UBN1: variants seen among roughly 807,000 people sequenced by gnomAD.
The protein encoded by UBN1 is ubinuclein 1, also known as ubinuclein-1.
UBN1 carries 17 observed loss-of-function variants against 108.5 expected under a neutral mutation model. That is an observed-to-expected ratio of 0.16 (90% CI 0.11 to 0.24). The LOEUF is 0.24. UBN1 is among the 10% of genes least tolerant of loss of function. The probability of loss-of-function intolerance (pLI) is 1.00; values close to 1 mark genes in which losing one functional copy is unlikely to be tolerated. For missense variants in UBN1, 1,595 were observed against 1,394.4 expected (o/e 1.14, Z -2.29); for synonymous variants, 726 against 564.2 (o/e 1.29, Z -4.07).
intron 12 of UBN1, 120 bp downstream of exon 12, chr16:4,871,421 G>T: frequency 7.1e-7 from 1 of 1,398,870 alleles, no homozygotes. Context: ...CCTCAACTCT[G>T]ATCTCACCTG....
At chr16:4,875,901 C>T (rs895391304) in intron 15 of UBN1, among the ~76,000 whole-genome samples, 8 of 151,932 alleles carry the variant, frequency 5.3e-5, no homozygotes, top group Non-Finnish European at 8.8e-5. Flanking sequence ...TAATGCATCT[C>T]GCTTGTGTGT....
intron 7 of UBN1, among the ~76,000 whole-genome samples, chr16:4,862,664 G>A (rs2087122055): frequency 6.6e-6 from 1 of 152,254 alleles, no homozygotes; most frequent in Non-Finnish European, 1.5e-5. Context: ...GTCAAAACCA[G>A]ATTCTTGGCT....
intron 9 of UBN1, 63 bp downstream of exon 9, chr16:4,870,404 T>A: frequency 1.2e-6 from 2 of 1,610,522 alleles, no homozygotes; most frequent in Non-Finnish European, 1.7e-6. Context: ...GACTGAGTCT[T>A]AAGCAATGAT....
intron 14 of UBN1, 74 bp downstream of exon 14, chr16:4,873,147 G>T: frequency 7.5e-6 from 12 of 1,592,116 alleles, no homozygotes; most frequent in Non-Finnish European, 1.0e-5. Flanking sequence ...ACAGTCAAGT[G>T]ACTGTGGAAG....
chr16:4,852,854 T>A, intron 1 of UBN1, 25 bp from the exon 2 acceptor site: 1 of 1,539,774 alleles, frequency 6.5e-7, no homozygotes, highest in Non-Finnish European at 8.8e-7. Context: ...TCGTTTGACC[T>A]GGCCCTTCTT....
intron 4 of UBN1, 76 bp from the exon 5 acceptor site, chr16:4,858,947 ATC>A: frequency 6.5e-7 from 1 of 1,548,770 alleles, no homozygotes; most frequent in Non-Finnish European, 8.7e-7. Context: ...GCACAGTCAC[ATC>A]TCTCTCGAGA....
At chr16:4,859,188 GA>G in intron 5 of UBN1, 29 bp downstream of exon 5, 1 of 1,605,958 alleles carries the variant, frequency 6.2e-7, no homozygotes, top group Non-Finnish European at 8.5e-7. Context: ...TTGGATTTCA[GA>G]AATGCTTTTT....
rs2087964056 is a variant in UBN1, at chr16:4,877,965, C to G, written c.3355+491C>G. Among the ~76,000 whole-genome samples, 1 of 152,136 alleles carries G rather than the reference C, an allele frequency of 6.6e-6. No homozygotes were observed. Among genetic ancestry groups the G allele is most frequent in the African/African-American group, 2.4e-5 (1 of 41,418 alleles). ...GAAAATCCAGGTAGCAGCCAGAGGC[C>G]ACAGTGCAAGACTTTGAGAGGAGCA... On this transcript the variant is annotated intron_variant, in intron 17 of 17. Transcript: ENST00000262376. This position sits in a 1 kb window ranked among gnomAD's most constrained non-coding sequence, Gnocchi z 4.3.
chr16:4,872,347 A>G (rs1016081450), intron 12 of UBN1: 17 of 984,046 alleles, frequency 1.7e-5, no homozygotes, highest in African/African-American at 7.0e-5. Context: ...AGAGCCATAC[A>G]TTTTCTTGGT....
chr16:4,875,228 C>T lies in UBN1; in HGVS notation c.2818C>T (p.Pro940Ser). Residue 940 changes from proline to serine, a missense_variant, in exon 15 of 18, where the codon CCC becomes TCC. This residue lies in a region of UBN1 where 1,398 missense variants were observed against 1,194.7 expected (regional missense o/e 1.17). Transcript: ENST00000262376. Reference protein sequence around the residue: ...SGSLVPGIQPPSVGQATSRPV... With the variant: ...SGSLVPGIQPSSVGQATSRPV... ...GAGCCTGGTCCCTGGCATACAGCCTCCCTCCGTGGGACAGGCCACCAGCCG... is the reference window on the plus strand; with the variant it reads ...GAGCCTGGTCCCTGGCATACAGCCTTCCTCCGTGGGACAGGCCACCAGCCG... 1.2e-6 allele frequency: 2 copies of T among 1,614,220 alleles called. No individual in the cohort carries two copies. The highest frequency in any genetic ancestry group is 1.7e-6 in the Non-Finnish European group (2 of 1,180,052).
At chr16:4,867,942 G>T (rs1444914483) in intron 7 of UBN1, among the ~76,000 whole-genome samples, 1 of 152,206 alleles carries the variant, frequency 6.6e-6, no homozygotes, top group Non-Finnish European at 1.5e-5. Flanking sequence ...TGAGAGGAAT[G>T]GTTCCCAGCC....
At chr16:4,878,338 G>A (rs2660228) in intron 17 of UBN1, among the ~76,000 whole-genome samples, 119,768 of 152,004 alleles carry the variant, frequency 0.79, 50,962 homozygotes, top group East Asian at 0.99. Context: ...GGGGAGAGCC[G>A]CTCGTATGGA....
intron 9 of UBN1, 37 bp from the exon 10 acceptor site, chr16:4,870,479 T>C (rs375958171): frequency 1.7e-4 from 272 of 1,613,708 alleles, no homozygotes; most frequent in Non-Finnish European, 2.2e-4. Context: ...AAGAGCGATG[T>C]GTAAACCTGC....
chr16:4,853,284 C>G (rs2086640088), intron 2 of UBN1, 118 bp downstream of exon 2: 2 of 1,381,710 alleles, frequency 1.4e-6, no homozygotes, highest in African/African-American at 2.9e-5. Context: ...GCCCCAAGAT[C>G]CTGTCACTCA....
intron 9 of UBN1, 83 bp from the exon 10 acceptor site, chr16:4,870,433 C>T (rs1270543664): frequency 1.9e-6 from 3 of 1,609,362 alleles, no homozygotes; most frequent in East Asian, 4.5e-5. Flanking sequence ...TGCCCCACTG[C>T]CTCCTTGTGA....
intron 3 of UBN1, 113 bp downstream of exon 3, chr16:4,858,189 A>C: frequency 1.3e-6 from 1 of 766,138 alleles, no homozygotes; most frequent in South Asian, 1.5e-5. Context: ...AGTAAGCCTT[A>C]AGCATGGAGA....
intron 7 of UBN1, among the ~76,000 whole-genome samples, chr16:4,867,747 AGT>A (rs2087406620): frequency 1.3e-5 from 2 of 152,136 alleles, no homozygotes; most frequent in South Asian, 4.1e-4. Context: ...CAGAGGATGC[AGT>A]GAGAGGAAGG....
At position 4,848,154 on chromosome 16, in the gene UBN1, G is replaced by C. The variant is rs879427129; in HGVS notation, c.-96G>C. On this transcript the variant is annotated 5_prime_UTR_variant, in exon 1 of 18. Coordinates refer to ENST00000262376, the MANE Select transcript of UBN1 (RefSeq NM_001079514.3). The stretch of plus-strand genomic sequence containing the variant: ...CTAGCTGCGCCGCCGCCCGGGGACC[G>C]GCATGAGGACCGCCGCGGGGGGACG... 1 of 152,228 alleles carries C rather than the reference G, an allele frequency of 6.6e-6. No individual in the cohort carries two copies. Among genetic ancestry groups the C allele is most frequent in the South Asian group, 2.1e-4 (1 of 4,838 alleles). The allele number at this position is 152,228 out of a possible 1,614,324, so 9.4% of individuals were successfully genotyped here.
intron 2 of UBN1, 114 bp from the exon 3 acceptor site, chr16:4,857,876 C>T (rs1354114850): frequency 2.7e-6 from 2 of 749,904 alleles, no homozygotes; most frequent in African/African-American, 3.5e-5. Flanking sequence ...TCTACCTTGC[C>T]CTTTTCTGGA....
Sources: allele counts gnomAD v4.1 joint callset (sites outside exome capture counted in the v4.1 genomes callset), GRCh38; gene constraint gnomAD v4.1.1; regional missense constraint gnomAD v4.1.1; non-coding constraint Gnocchi (gnomAD v3.1); transcripts MANE v1.5; gene names NCBI Gene and HGNC (gene_info 2026-07-23, HGNC 2026-07-21).